Variants in BMP2K observed in about 807,000 individuals in gnomAD.
The protein encoded by BMP2K is BMP-2-inducible protein kinase.
A neutral mutation model predicts 116.0 loss-of-function variants in BMP2K; 74 were observed. The observed-to-expected ratio is 0.64, with a 90% CI of 0.53 to 0.77. BMP2K has a LOEUF of 0.77. Among genes scored for constraint, BMP2K ranks in the 30% least tolerant of loss-of-function variants. The probability of loss-of-function intolerance (pLI) is 0.00; values close to 1 mark genes in which losing one functional copy is unlikely to be tolerated. For missense variants in BMP2K, 1,365 were observed against 1,403.6 expected (o/e 0.97, Z 0.44); for synonymous variants, 486 against 502.5 (o/e 0.97, Z 0.44).
rs1460993179 is a variant in BMP2K at position 78,895,927 on chromosome 4, AATTT to A, written c.2062+8644_2062+8647del. On this transcript the variant is annotated intron_variant, in intron 15 of 15. Coordinates refer to ENST00000502613, the MANE Select transcript of BMP2K (RefSeq NM_198892.2). ...CAAGCAGAAGCTACCTCGCCCAGCTAATTTTTTAATTTTTAGTAGAGACAAGGTC... is the reference window on the plus strand; with the variant it reads ...CAAGCAGAAGCTACCTCGCCCAGCTATTTAATTTTTAGTAGAGACAAGGTC... Among the ~76,000 whole-genome samples the A allele has an allele frequency of 3.3e-5, 5 of 151,922 alleles. No individual in the cohort carries two copies. In the East Asian group the frequency reaches 9.7e-4, roughly 30 times the overall value.
chr4:78,777,470 G>C (rs573120029), intron 1 of BMP2K, among the ~76,000 whole-genome samples: 14 of 152,292 alleles, frequency 9.2e-5, no homozygotes, highest in African/African-American at 3.4e-4. Flanking sequence ...ACGGCAGGTA[G>C]AAGTCTACTT....
intron 15 of BMP2K, among the ~76,000 whole-genome samples, chr4:78,895,359 G>T (rs1733647676): frequency 6.6e-6 from 1 of 152,168 alleles, no homozygotes; most frequent in African/African-American, 2.4e-5. Flanking sequence ...ACACAGTTTA[G>T]CTGCATTTCA....
At chr4:78,800,712 TA>T (rs1728526253) in intron 1 of BMP2K, among the ~76,000 whole-genome samples, 1 of 152,206 alleles carries the variant, frequency 6.6e-6, no homozygotes, top group Non-Finnish European at 1.5e-5. Flanking sequence ...GAGCTCTTTT[TA>T]ATAAAATTAG....
chr4:78,893,319 C>T (rs1224597806), intron 15 of BMP2K, among the ~76,000 whole-genome samples: 2 of 152,186 alleles, frequency 1.3e-5, no homozygotes, highest in Admixed American at 6.6e-5. Flanking sequence ...TTCTCTTGCT[C>T]TTTCCATGAC....
At chr4:78,808,393 G>A (rs1046644878) in intron 1 of BMP2K, among the ~76,000 whole-genome samples, 1 of 151,514 alleles carries the variant, frequency 6.6e-6, no homozygotes, top group East Asian at 1.9e-4. Flanking sequence ...ACCCTCCTGA[G>A]TAGCTGGGAC....
In BMP2K at chr4:78,911,199, G is replaced by A; in HGVS notation, c.2652G>A (p.Arg884=). The part of the protein sequence containing the change: ...EKNEKNLPQH[R]FPAAGLEQEE... ...ATGAAAAGAACCTCCCTCAACACAGGTTTCCTGCTGCAGGACTGGAGCAGG... is the reference window on the plus strand; with the variant it reads ...ATGAAAAGAACCTCCCTCAACACAGATTTCCTGCTGCAGGACTGGAGCAGG... The change falls in exon 16 of 16, where the codon AGG becomes AGA. Residue 884 remains arginine, a synonymous_variant. Coordinates refer to ENST00000502613, the MANE Select transcript of BMP2K (RefSeq NM_198892.2). The A allele has an allele frequency of 1.2e-6, 2 of 1,613,766 alleles. No individual in the cohort carries two copies. Among genetic ancestry groups the A allele is most frequent in the South Asian group, 2.2e-5 (2 of 91,046 alleles).
chr4:78,784,238 T>C (rs1283645539), intron 1 of BMP2K, among the ~76,000 whole-genome samples: 1 of 152,232 alleles, frequency 6.6e-6, no homozygotes, highest in African/African-American at 2.4e-5. Flanking sequence ...GTTATCAAAA[T>C]GATTAAAGCC....
intron 3 of BMP2K, among the ~76,000 whole-genome samples, chr4:78,838,411 G>T (rs1730599179): frequency 6.6e-6 from 1 of 152,170 alleles, no homozygotes. Context: ...CAGATCAGTT[G>T]CACCCTCTAA....
chr4:78,783,255 T>C (rs1294581335), intron 1 of BMP2K, among the ~76,000 whole-genome samples: 1 of 152,204 alleles, frequency 6.6e-6, no homozygotes, highest in African/African-American at 2.4e-5. Flanking sequence ...AGCATATGAT[T>C]TCACTATAAA....
chr4:78,872,977 A>AGTTAATTCT (rs1209033270), intron 13 of BMP2K, among the ~76,000 whole-genome samples, 179 bp downstream of exon 13: 3 of 152,132 alleles, frequency 2.0e-5, no homozygotes, highest in Non-Finnish European at 4.4e-5. Context: ...CCGTTTCCTC[A>AGTTAATTCT]GTTAATTCTG....
At chr4:78,812,797 C>T (rs141313874) in intron 1 of BMP2K, among the ~76,000 whole-genome samples, 4,100 of 152,196 alleles carry the variant, frequency 0.027, 168 homozygotes, top group African/African-American at 0.089. Flanking sequence ...CTTTGGGAGG[C>T]CAAGGCAGGA....
rs1223227548 is a variant in BMP2K, at chr4:78,912,991, T to C, written c.*958T>C. 6.6e-6 allele frequency: 1 copy of C among 152,114 alleles called. No individual in the cohort carries two copies. The highest frequency in any genetic ancestry group is 1.5e-5 in the Non-Finnish European group (1 of 68,022). The allele number at this position is 152,114 out of a possible 1,614,324, so 9.4% of individuals were successfully genotyped here. ...TGGAGGACAAGGGTTGTATAAAAAT[T>C]TTATTTTATGAAGAAAATATGTAGC... On this transcript the variant is annotated 3_prime_UTR_variant, in exon 16 of 16. Coordinates refer to ENST00000502613, the MANE Select transcript of BMP2K (RefSeq NM_198892.2).
At chr4:78,789,909 C>A (rs924383222) in intron 1 of BMP2K, among the ~76,000 whole-genome samples, 1 of 152,110 alleles carries the variant, frequency 6.6e-6, no homozygotes, top group Non-Finnish European at 1.5e-5. Flanking sequence ...TCTTCTCTTC[C>A]GAGTTCAAGG....
intron 1 of BMP2K, among the ~76,000 whole-genome samples, chr4:78,808,491 C>G (rs1218566094): frequency 1.3e-5 from 2 of 152,078 alleles, no homozygotes; most frequent in African/African-American, 4.8e-5. Flanking sequence ...TGGTCTCAAT[C>G]TCCTGACCTT....
chr4:78,890,404 G>GCACACA (rs149825379), intron 15 of BMP2K, among the ~76,000 whole-genome samples: 1,519 of 148,070 alleles, frequency 0.01, 27 homozygotes, highest in African/African-American at 0.036. Flanking sequence ...ACAATCATGC[G>GCACACA]CACACACACA....
chr4:78,814,788 C>T (rs940280358), intron 1 of BMP2K, among the ~76,000 whole-genome samples: 2 of 152,062 alleles, frequency 1.3e-5, no homozygotes, highest in African/African-American at 4.8e-5. Flanking sequence ...TTATATATTA[C>T]AGATTTTTTC....
chr4:78,832,291 A>G (rs191718614), intron 2 of BMP2K, among the ~76,000 whole-genome samples: 3 of 152,264 alleles, frequency 2.0e-5, no homozygotes, highest in Admixed American at 1.3e-4. Context: ...TTTATGTTCT[A>G]AGGAAAGTAT....
At chr4:78,784,378 G>A (rs566865753) in intron 1 of BMP2K, among the ~76,000 whole-genome samples, 1 of 152,278 alleles carries the variant, frequency 6.6e-6, no homozygotes, top group African/African-American at 2.4e-5. Flanking sequence ...TATCTTGCAT[G>A]CATCTGGTGA....
intron 2 of BMP2K, among the ~76,000 whole-genome samples, chr4:78,829,787 T>TTTCTCTTTTCTCTTTTCTC (rs779356800): frequency 3.5e-5 from 3 of 86,594 alleles, no homozygotes; most frequent in African/African-American, 4.2e-5. Flanking sequence ...TTTCTTTTCT[T>TTTCTCTTTTCTCTTTTCTC]TTCTCTTCTC....
Sources: allele counts gnomAD v4.1 joint callset (sites outside exome capture counted in the v4.1 genomes callset), GRCh38; gene constraint gnomAD v4.1.1; transcripts MANE v1.5; gene names NCBI Gene and HGNC (gene_info 2026-07-23, HGNC 2026-07-21).